PRICKLE1: variants seen among roughly 807,000 people sequenced by gnomAD.
PRICKLE1 encodes the protein prickle planar cell polarity protein 1.
PRICKLE1 carries 14 observed loss-of-function variants against 70.2 expected under a neutral mutation model. The observed-to-expected ratio is 0.20, with a 90% CI of 0.13 to 0.31. The LOEUF is 0.31. Ranked by LOEUF, PRICKLE1 falls within the 10% of genes least tolerant of loss-of-function variation. The pLI, the probability that PRICKLE1 is intolerant of heterozygous loss-of-function variation, is 1.00. For missense variants in PRICKLE1, 821 were observed against 1,026.2 expected (o/e 0.80, Z 2.73); for synonymous variants, 357 against 379.9 (o/e 0.94, Z 0.70).
At chr12:42,461,128 A>G (rs539330404) in intron 7 of PRICKLE1, among the ~76,000 whole-genome samples, 2 of 152,228 alleles carry the variant, frequency 1.3e-5, no homozygotes, top group African/African-American at 4.8e-5. Context: ...TGATCCACCC[A>G]CCTCGGCCTC....
rs191339420 is a variant in PRICKLE1, at chr12:42,574,446, T to C, written c.-49+15019A>G. ...GTGGACTTTCCATCAACAAAGCAAA[T>C]TGTGTCTGGTTATTGTGAAAATTAA... On this transcript the variant is annotated intron_variant, in intron 1 of 7. Coordinates refer to ENST00000345127, the MANE Select transcript of PRICKLE1 (RefSeq NM_153026.3). Among the ~76,000 whole-genome samples, 807 of 152,322 alleles carry C rather than the reference T, an allele frequency of 5.3e-3. 4 individuals are homozygous for C. The highest frequency in any genetic ancestry group is 7.7e-3 in the Non-Finnish European group (527 of 68,018).
At chr12:42,542,667 A>C (rs1940138400) in intron 1 of PRICKLE1, among the ~76,000 whole-genome samples, 1 of 152,042 alleles carries the variant, frequency 6.6e-6, no homozygotes, top group South Asian at 2.1e-4. Context: ...AATAATAATA[A>C]TTTGTTTTGC....
At chr12:42,556,855 A>G in intron 1 of PRICKLE1, among the ~76,000 whole-genome samples, 1 of 152,184 alleles carries the variant, frequency 6.6e-6, no homozygotes, top group East Asian at 1.9e-4. Flanking sequence ...TGCTTTGCTC[A>G]ACAATTATTT....
chr12:42,537,364 C>T (rs1435693205), intron 1 of PRICKLE1, among the ~76,000 whole-genome samples: 1 of 152,002 alleles, frequency 6.6e-6, no homozygotes, highest in Non-Finnish European at 1.5e-5. Context: ...AGGGTCTTGC[C>T]ATGTTGCCCA....
At position 42,503,851 on chromosome 12, in the gene PRICKLE1, G is replaced by A. The variant is rs115085587; in HGVS notation, c.-48-31287C>T. On this transcript the variant is annotated intron_variant, in intron 1 of 7. Transcript: ENST00000345127. ...ACACCTGAGGTTCCTGTAATCTCCCGAAATTCCTCCCAGTGTCCTCCCATC... is the reference window on the plus strand; with the variant it reads ...ACACCTGAGGTTCCTGTAATCTCCCAAAATTCCTCCCAGTGTCCTCCCATC... Among the ~76,000 whole-genome samples, 1,225 of 152,196 alleles carry A rather than the reference G, an allele frequency of 8.0e-3. 24 individuals are homozygous for A. The highest frequency in any genetic ancestry group is 0.027 in the African/African-American group (1,139 of 41,526).
At chr12:42,517,306 ATTTT>A (rs71794718) in intron 1 of PRICKLE1, among the ~76,000 whole-genome samples, 11,605 of 88,510 alleles carry the variant, frequency 0.13, 483 homozygotes, top group Middle Eastern at 0.26. Context: ...TCAGTCTGCC[ATTTT>A]TTTTTTTTTT....
At position 42,460,261 on chromosome 12, in the gene PRICKLE1, G is replaced by A. The variant is rs768954477; in HGVS notation, c.2044C>T (p.Arg682Cys). ...HHRRRRSRKS[R>C]SDNALNLVTE... ...ACAAGATTCAGGGCATTGTCGGAGC[G>A]GGACTTTCTACTTCTCCGGCGGCGG... The change falls in exon 8 of 8, where the codon CGC becomes TGC. Residue 682 changes from arginine (R) to cysteine (C), a missense_variant. By Grantham distance (180) the Arg-to-Cys change is radical. Transcript: ENST00000345127. The A allele has an allele frequency of 1.6e-5, 26 of 1,614,028 alleles. No individual in the cohort carries two copies. The highest frequency in any genetic ancestry group is 5.3e-5 in the African/African-American group (4 of 74,896).
intron 1 of PRICKLE1, among the ~76,000 whole-genome samples, chr12:42,540,948 T>A (rs1940100977): frequency 6.6e-6 from 1 of 152,196 alleles, no homozygotes; most frequent in Non-Finnish European, 1.5e-5. Context: ...TTCCTCAAAT[T>A]ATACAACATA....
chr12:42,542,516 T>C (rs1383694864), intron 1 of PRICKLE1, among the ~76,000 whole-genome samples: 1 of 151,922 alleles, frequency 6.6e-6, no homozygotes, highest in African/African-American at 2.4e-5. Flanking sequence ...CTGAGTGTGG[T>C]GGTGCATGCC....
At chr12:42,467,033 A>G (rs963783081) in intron 5 of PRICKLE1, among the ~76,000 whole-genome samples, 1 of 152,206 alleles carries the variant, frequency 6.6e-6, no homozygotes, top group Non-Finnish European at 1.5e-5. Flanking sequence ...CACAACCACC[A>G]TGCCCAGCTA....
At chr12:42,567,468 TG>T (rs996614757) in intron 1 of PRICKLE1, among the ~76,000 whole-genome samples, 1 of 152,194 alleles carries the variant, frequency 6.6e-6, no homozygotes, top group Non-Finnish European at 1.5e-5. Context: ...TTTCCCCAAA[TG>T]ACATTCTTCT....
intron 1 of PRICKLE1, among the ~76,000 whole-genome samples, chr12:42,473,828 T>C (rs1291433748): frequency 5.0e-5 from 1 of 20,092 alleles, no homozygotes; most frequent in Non-Finnish European, 1.8e-4. Context: ...TCAGGAAGGA[T>C]GTCAAAAAAA....
chr12:42,556,995 T>G (rs977596471), intron 1 of PRICKLE1, among the ~76,000 whole-genome samples: 1 of 152,008 alleles, frequency 6.6e-6, no homozygotes, highest in Non-Finnish European at 1.5e-5. Flanking sequence ...ATTTCTGTTT[T>G]TTTTTTTTTA....
At chr12:42,540,919 T>C (rs1287751615) in intron 1 of PRICKLE1, among the ~76,000 whole-genome samples, 1 of 152,158 alleles carries the variant, frequency 6.6e-6, no homozygotes, top group Non-Finnish European at 1.5e-5. Context: ...TCTCACTTTG[T>C]GGTTGTATTT....
chr12:42,580,939 G>GGA (rs917058057), intron 1 of PRICKLE1, among the ~76,000 whole-genome samples: 1 of 152,058 alleles, frequency 6.6e-6, no homozygotes, highest in Non-Finnish European at 1.5e-5. Context: ...AGGCAGAAAG[G>GGA]GAGAGAGAGA....
intron 1 of PRICKLE1, among the ~76,000 whole-genome samples, chr12:42,576,752 G>A (rs1055139897): frequency 1.3e-5 from 2 of 152,064 alleles, no homozygotes; most frequent in East Asian, 3.8e-4. Flanking sequence ...GCTTCCCGGT[G>A]GCTGCTTATA....
intron 1 of PRICKLE1, among the ~76,000 whole-genome samples, chr12:42,558,552 C>T (rs1940450805): frequency 6.6e-6 from 1 of 152,240 alleles, no homozygotes; most frequent in Non-Finnish European, 1.5e-5. Context: ...CAGGACCCTG[C>T]TTGCCTGGGT....
chr12:42,509,915 A>G (rs1404943785), intron 1 of PRICKLE1, among the ~76,000 whole-genome samples: 1 of 151,642 alleles, frequency 6.6e-6, no homozygotes, highest in African/African-American at 2.4e-5. Context: ...TCTACTAAGA[A>G]TACAAAAATT....
intron 1 of PRICKLE1, chr12:42,490,002 A>C (rs1939066748): frequency 6.6e-6 from 1 of 152,164 alleles, no homozygotes; most frequent in Non-Finnish European, 1.5e-5. Context: ...TCGCATTCTA[A>C]ATCCATATTC....
Sources: gnomAD v4.1 joint callset for allele counts (sites outside exome capture counted in the v4.1 genomes callset) on GRCh38, gnomAD v4.1.1 for gene constraint, MANE v1.5 for transcripts, NCBI Gene and HGNC (gene_info 2026-07-23, HGNC 2026-07-21) for gene names.